The following LRP2 variants were observed in gnomAD, a reference collection of about 807,000 sequenced individuals.
LRP2 encodes low-density lipoprotein receptor-related protein 2.
Under a neutral mutation model 531.0 loss-of-function variants are expected in LRP2, and 172 were observed. The observed-to-expected ratio is 0.32, with a 90% CI of 0.29 to 0.37. LRP2 has a LOEUF of 0.37. LRP2 is among the 10% of genes least tolerant of loss of function. The pLI is 1.00. For missense variants in LRP2, 5,167 were observed against 5,868.3 expected, an observed-to-expected ratio of 0.88 and a Z score of 3.90; for synonymous variants, 1,992 against 2,027.6, an observed-to-expected ratio of 0.98 and a Z score of 0.47.
chr2:169,163,466 T>C (rs1454616494), intron 62 of LRP2, among the ~76,000 whole-genome samples: 1 of 152,152 alleles, frequency 6.6e-6, no homozygotes, highest in Non-Finnish European at 1.5e-5. Flanking sequence ...AACCTCCTCA[T>C]TGGATAAAAT....
intron 6 of LRP2, among the ~76,000 whole-genome samples, chr2:169,293,545 C>T (rs1013683476): frequency 7.2e-5 from 11 of 152,156 alleles, no homozygotes; most frequent in Admixed American, 3.9e-4. Flanking sequence ...CATGGTGGTG[C>T]ATGCCTGTGA....
chr2:169,285,197 C>T (rs1015763028), intron 9 of LRP2, among the ~76,000 whole-genome samples: 6 of 151,306 alleles, frequency 4.0e-5, no homozygotes, highest in African/African-American at 1.2e-4. Flanking sequence ...AGGCACGTGC[C>T]TGTAGTCCCA....
rs1200964258 is a variant in LRP2, at chr2:169,238,165, C to T, written c.4432G>A (p.Gly1478Ser). 1 of 1,614,128 alleles carries T rather than the reference C, an allele frequency of 6.2e-7. No homozygotes were observed. The highest frequency in any genetic ancestry group is 1.1e-5 in the South Asian group (1 of 91,068). The change falls in exon 27 of 79, where the codon GGT (glycine) becomes AGT (serine). Residue 1478 changes from glycine to serine, a missense_variant. Physicochemically the swap from Gly to Ser is moderately conservative, Grantham distance 56. Around this residue, in one of 6 missense-constraint regions of LRP2, gnomAD observed 2,811 missense variants for 3,058.0 expected, o/e 0.92. Transcript: ENST00000649046. ...GTTGCATCAGACCAAAAGATACGAC[C>T]ACTAATTGAATCAAAATCAACAGCT... ...IVAVDFDSIS[G>S]RIFWSDATQG...
chr2:169,205,431 A>G, intron 41 of LRP2, 48 bp downstream of exon 41: 1 of 1,607,150 alleles, frequency 6.2e-7, no homozygotes, highest in Non-Finnish European at 8.5e-7. Flanking sequence ...TTGGAAATGG[A>G]AGAAAAACCT....
chr2:169,291,841 C>T (rs1684006636), intron 7 of LRP2, among the ~76,000 whole-genome samples: 2 of 152,152 alleles, frequency 1.3e-5, no homozygotes, highest in African/African-American at 4.8e-5. Context: ...GGTTCAAAGT[C>T]ATTTTTAAAG....
intron 2 of LRP2, among the ~76,000 whole-genome samples, 160 bp from the exon 3 acceptor site, chr2:169,319,044 A>T (rs1684843052): frequency 2.0e-5 from 3 of 152,264 alleles, no homozygotes. Context: ...GACGCCAGTC[A>T]GAGTTCACTG....
chr2:169,361,380 C>CTCTCTCT (rs1686155210), intron 1 of LRP2, among the ~76,000 whole-genome samples: 1 of 143,110 alleles, frequency 7.0e-6, no homozygotes, highest in South Asian at 2.3e-4. Context: ...CTCTCTCCCT[C>CTCTCTCT]TCTCTCTCTC....
intron 63 of LRP2, among the ~76,000 whole-genome samples, chr2:169,158,988 A>G (rs1686467742): frequency 6.6e-6 from 1 of 152,166 alleles, no homozygotes; most frequent in South Asian, 2.1e-4. Context: ...TTGCCCCAAG[A>G]TCTTGTCTCT....
rs748820624 is a variant in LRP2 at position 169,128,692 on chromosome 2, T to G, written c.13939A>C (p.Asn4647His). ...ACTTCAGAGTCTTCTTTAACAAGAT[T>G]TGCGGTGTCTTTAAAAGTGTCTTCT... Reference protein sequence around the residue: ...ATEDTFKDTANLVKEDSEV With the variant: ...ATEDTFKDTAHLVKEDSEV The change falls in exon 79 of 79, where the codon AAT (asparagine) becomes CAT (histidine). Residue 4647 changes from asparagine (N) to histidine (H), a missense_variant. Around this residue, in one of 6 missense-constraint regions of LRP2, gnomAD observed 348 missense variants for 369.3 expected, o/e 0.94. Coordinates refer to ENST00000649046, the MANE Select transcript of LRP2 (RefSeq NM_004525.3). 2 of 1,614,042 alleles carry G rather than the reference T, an allele frequency of 1.2e-6. No individual in the cohort carries two copies. Among genetic ancestry groups the G allele is most frequent in the Non-Finnish European group, 8.5e-7 (1 of 1,180,006 alleles).
At chr2:169,244,606 G>T in intron 22 of LRP2, 87 bp downstream of exon 22, 1 of 1,539,730 alleles carries the variant, frequency 6.5e-7, no homozygotes, top group Non-Finnish European at 9.0e-7. Flanking sequence ...AATTGCATGA[G>T]CCTTAGAGGA....
At chr2:169,305,745 C>T (rs935106996) in intron 4 of LRP2, among the ~76,000 whole-genome samples, 4 of 152,190 alleles carry the variant, frequency 2.6e-5, no homozygotes, top group Non-Finnish European at 5.9e-5. Context: ...TTTCGGTCAA[C>T]GACAGACCGC....
chr2:169,168,759 T>C, intron 60 of LRP2, 83 bp from the exon 61 acceptor site: 1 of 1,480,142 alleles, frequency 6.8e-7, no homozygotes, highest in Non-Finnish European at 9.4e-7. Context: ...CTCCTTTGGC[T>C]CTTGCCATTA....
At chr2:169,297,105 T>C (rs924887214) in intron 4 of LRP2, among the ~76,000 whole-genome samples, 1 of 152,172 alleles carries the variant, frequency 6.6e-6, no homozygotes, top group African/African-American at 2.4e-5. Flanking sequence ...CCTGAAAATC[T>C]GTTTCTGAAT....
chr2:169,162,769 C>T (rs1420777652), intron 62 of LRP2, among the ~76,000 whole-genome samples, 169 bp from the exon 63 acceptor site: 1 of 152,244 alleles, frequency 6.6e-6, no homozygotes, highest in Admixed American at 6.5e-5. Context: ...AGCCAACGTA[C>T]TGTCAGTTGG....
At position 169,354,698 on chromosome 2, in the gene LRP2, T is replaced by C. The variant is rs571760274; in HGVS notation, c.79+7623A>G. ...AGCTAATGTGATTAGAGATAAGACTTAAATTAGAGACCAACAAAGTAACCA... is the reference window on the plus strand; with the variant it reads ...AGCTAATGTGATTAGAGATAAGACTCAAATTAGAGACCAACAAAGTAACCA... On this transcript the variant is annotated intron_variant, in intron 1 of 78. Transcript: ENST00000649046. Among the ~76,000 whole-genome samples the C allele has an allele frequency of 2.5e-4, 38 of 152,354 alleles. 1 individual carries two copies. The South Asian group carries it at 7.9e-3, about 32-fold the overall frequency.
chr2:169,264,104 C>T (rs114102869), intron 16 of LRP2, among the ~76,000 whole-genome samples: 2,194 of 151,638 alleles, frequency 0.014, 43 homozygotes, highest in African/African-American at 0.05. Context: ...TGTGGGGTGG[C>T]GCGGGAGGAG....
chr2:169,291,708 C>CA (rs67415780), intron 7 of LRP2, among the ~76,000 whole-genome samples: 132,071 of 152,134 alleles, frequency 0.87, 57,441 homozygotes, highest in East Asian at 0.96. Flanking sequence ...CTACACTTAC[C>CA]ATCCCCAGCT....
chr2:169,168,018 A>AAGAGATATATATATATAGATATATATAT (rs1553488719), intron 61 of LRP2, among the ~76,000 whole-genome samples: 1 of 68,186 alleles, frequency 1.5e-5, no homozygotes, highest in Non-Finnish European at 2.9e-5. Flanking sequence ...CAGGGTTTAA[A>AAGAGATATATATATATAGATATATATAT]ATATATATAT....
Position 169,246,961 on chromosome 2 carries a change from C to A in LRP2, c.2934G>T (p.Thr978=), listed in dbSNP as rs17848143. 1.5e-5 allele frequency: 25 copies of A among 1,614,000 alleles called. No individual in the cohort carries two copies. The East Asian group carries it at 4.5e-4, about 29-fold the overall frequency. The change falls in exon 21 of 79, where the codon ACG becomes ACT. Residue 978 remains threonine, a synonymous_variant. Coordinates refer to ENST00000649046, the MANE Select transcript of LRP2 (RefSeq NM_004525.3). ...QTGSNACNQP[T]HPNGDCSHFC... is the part of the protein sequence containing the mutation. The stretch of plus-strand genomic sequence containing the variant: ...AGTGGCTGCAGTCACCGTTAGGATG[C>A]GTGGGTTGATTACAGGCGTTAGAAC...
Sources: gnomAD v4.1 joint callset for allele counts (sites outside exome capture counted in the v4.1 genomes callset) on GRCh38, gnomAD v4.1.1 for gene constraint, gnomAD v4.1.1 regional missense constraint, MANE v1.5 for transcripts, NCBI Gene and HGNC (gene_info 2026-07-23, HGNC 2026-07-21) for gene names.